MXI1: variants seen among roughly 807,000 people sequenced by gnomAD.
MXI1 encodes max-interacting protein 1.
Under a neutral mutation model 36.9 loss-of-function variants are expected in MXI1, and 18 were observed. The ratio of observed to expected loss-of-function variants is 0.49; its 90% CI spans 0.34 to 0.72. MXI1 has a LOEUF of 0.72. MXI1 is among the 30% of genes least tolerant of loss of function. The pLI is 0.01. For missense variants in MXI1, 304 were observed against 379.1 expected, an observed-to-expected ratio of 0.80 and a Z score of 1.64; for synonymous variants, 160 against 146.7, an observed-to-expected ratio of 1.09 and a Z score of -0.65.
At chr10:110,283,847 C>T (rs746117711) in intron 5 of MXI1, among the ~76,000 whole-genome samples, 3 of 151,544 alleles carry the variant, frequency 2.0e-5, no homozygotes, top group Non-Finnish European at 4.4e-5. Flanking sequence ...GTGGTGAGAC[C>T]TTGGCACACT....
At chr10:110,210,833 G>A (rs1216589965) in intron 1 of MXI1, among the ~76,000 whole-genome samples, 2 of 152,208 alleles carry the variant, frequency 1.3e-5, no homozygotes, top group African/African-American at 2.4e-5. Context: ...CGGGGGGCGG[G>A]TCGTGCGTGC....
Position 110,244,874 on chromosome 10 carries a change from G to A in MXI1, c.437+17G>A. On this transcript the variant is annotated intron_variant, in intron 3 of 5. Coordinates refer to ENST00000332674, the MANE Select transcript of MXI1 (RefSeq NM_130439.3). ...AAAGAATCGGTGAGTCAGTGATGAG[G>A]TACAGCTTTCACTTACGTTTAAAAG... 6.2e-7 allele frequency: 1 copy of A among 1,607,026 alleles called. No homozygotes were observed. Among genetic ancestry groups the A allele is most frequent in the Non-Finnish European group, 8.5e-7 (1 of 1,177,236 alleles).
intron 2 of MXI1, among the ~76,000 whole-genome samples, chr10:110,228,762 G>A (rs1193287857): frequency 1.3e-5 from 2 of 152,188 alleles, no homozygotes; most frequent in African/African-American, 2.4e-5. Context: ...GTAGTGAGCG[G>A]ATGTGGTTAT....
chr10:110,230,318 A>G (rs1387348684), intron 2 of MXI1, among the ~76,000 whole-genome samples: 1 of 152,200 alleles, frequency 6.6e-6, no homozygotes, highest in Non-Finnish European at 1.5e-5. Context: ...TTAGGATTCT[A>G]ATATTATGTG....
chr10:110,244,978 A>C (rs1164362182), intron 3 of MXI1, 121 bp downstream of exon 3: 1 of 914,668 alleles, frequency 1.1e-6, no homozygotes, highest in African/African-American at 1.7e-5. Flanking sequence ...TGTATAGCCC[A>C]TTGTGAATCT....
chr10:110,285,103 AC>A lies in MXI1; in HGVS notation c.*117del. 2.9e-6 allele frequency: 3 copies of A among 1,033,156 alleles called. No homozygotes were observed. Among genetic ancestry groups the A allele is most frequent in the Non-Finnish European group, 2.7e-6 (2 of 752,686 alleles). The allele number at this position is 1,033,156 out of a possible 1,614,324, so 64.0% of individuals were successfully genotyped here. On this transcript the variant is annotated 3_prime_UTR_variant, in exon 6 of 6. Transcript: ENST00000332674. ...CCTCTTTAAAACAAAACAAAACAAA[AC>A]AAAACTATACTTGAACAAAAGGGTC...
chr10:110,250,295 A>T (rs1856030475), intron 3 of MXI1, among the ~76,000 whole-genome samples: 1 of 152,054 alleles, frequency 6.6e-6, no homozygotes, highest in African/African-American at 2.4e-5. Flanking sequence ...GGCCTAGGAG[A>T]TGGAGGGGAA....
chr10:110,279,386 CCA>C (rs1857154042), intron 4 of MXI1, 92 bp downstream of exon 4: 5 of 1,028,618 alleles, frequency 4.9e-6, no homozygotes, highest in Non-Finnish European at 7.5e-6. Flanking sequence ...AGCTAGTTCA[CCA>C]TGCCCTCCTT....
At chr10:110,226,363 A>C in intron 1 of MXI1, 2 of 1,324,928 alleles carry the variant, frequency 1.5e-6, no homozygotes, top group Admixed American at 2.8e-5. Context: ...AAGGGAGGGC[A>C]CGCGTGTGAG....
chr10:110,210,964 C>A (rs371820160), intron 1 of MXI1, among the ~76,000 whole-genome samples: 5 of 152,044 alleles, frequency 3.3e-5, no homozygotes, highest in Non-Finnish European at 7.4e-5. Context: ...CTGGGCGTTC[C>A]GATAGGATTC....
chr10:110,284,800 T>TCTTA, intron 5 of MXI1, 24 bp from the exon 6 acceptor site: 1 of 1,573,916 alleles, frequency 6.4e-7, no homozygotes, highest in Non-Finnish European at 8.6e-7. Context: ...TTAATGTTCT[T>TCTTA]CTTTTTTTTT....
At chr10:110,249,485 A>C (rs572688674) in intron 3 of MXI1, among the ~76,000 whole-genome samples, 8 of 151,856 alleles carry the variant, frequency 5.3e-5, no homozygotes, top group Non-Finnish European at 1.2e-4. Context: ...AGGCTGAGGC[A>C]CAAGAATTGC....
At position 110,234,443 on chromosome 10, in the gene MXI1, T is replaced by C. The variant is rs191258695; in HGVS notation, c.407+6122T>C. Among the ~76,000 whole-genome samples, 491 of 152,254 alleles carry C rather than the reference T, an allele frequency of 3.2e-3. 1 individual carries two copies. Among genetic ancestry groups the C allele is most frequent in the Non-Finnish European group, 4.1e-3 (281 of 67,974 alleles). The stretch of plus-strand genomic sequence containing the variant: ...TTCCTACATTTTAAAACACAGTCAG[T>C]GGTACCATAATTAACAGCATTACCC... On this transcript the variant is annotated intron_variant, in intron 2 of 5. Transcript: ENST00000332674.
At chr10:110,250,808 A>G (rs531531704) in intron 3 of MXI1, among the ~76,000 whole-genome samples, 6 of 146,200 alleles carry the variant, frequency 4.1e-5, no homozygotes, top group East Asian at 2.0e-4. Flanking sequence ...TTCCAGCCTC[A>G]GTGACAGAGC....
chr10:110,263,484 AT>A, intron 3 of MXI1, among the ~76,000 whole-genome samples: 1 of 152,108 alleles, frequency 6.6e-6, no homozygotes, highest in African/African-American at 2.4e-5. Flanking sequence ...ATGAAAGTAC[AT>A]TTTTTTTCTG....
intron 2 of MXI1, among the ~76,000 whole-genome samples, chr10:110,232,122 G>A (rs1241747583): frequency 1.3e-5 from 2 of 151,998 alleles, no homozygotes; most frequent in African/African-American, 2.4e-5. Context: ...CACCATGCCC[G>A]GCTAATTTTT....
chr10:110,272,123 A>G (rs1344589958), intron 3 of MXI1, among the ~76,000 whole-genome samples: 1 of 152,194 alleles, frequency 6.6e-6, no homozygotes, highest in Non-Finnish European at 1.5e-5. Flanking sequence ...GGGATGTAGT[A>G]CAGGTTGAGC....
At chr10:110,269,838 A>G (rs1487421311) in intron 3 of MXI1, among the ~76,000 whole-genome samples, 1 of 152,200 alleles carries the variant, frequency 6.6e-6, no homozygotes, top group South Asian at 2.1e-4. Context: ...TCCCTGTGAG[A>G]GAATGCTTTT....
intron 3 of MXI1, among the ~76,000 whole-genome samples, chr10:110,278,801 G>A (rs567589385): frequency 2.6e-5 from 4 of 152,068 alleles, no homozygotes; most frequent in South Asian, 2.1e-4. Context: ...TATTCCCTTG[G>A]GGTACCATAG....
Sources: gnomAD v4.1 joint callset for allele counts (sites outside exome capture counted in the v4.1 genomes callset) on GRCh38, gnomAD v4.1.1 for gene constraint, MANE v1.5 for transcripts, NCBI Gene and HGNC (gene_info 2026-07-23, HGNC 2026-07-21) for gene names.